Variants in SIPA1L2 observed in about 807,000 individuals in gnomAD.
The protein encoded by SIPA1L2 is signal-induced proliferation-associated 1-like protein 2.
A neutral mutation model predicts 163.9 loss-of-function variants in SIPA1L2; 56 were observed. The ratio of observed to expected loss-of-function variants is 0.34; its 90% CI spans 0.28 to 0.43. The LOEUF is 0.43. SIPA1L2 is among the 20% of genes least tolerant of loss of function. The pLI is 1.00. For missense variants in SIPA1L2, 1,974 were observed against 2,193.5 expected (o/e 0.90, Z 2.00); for synonymous variants, 877 against 865.7 (o/e 1.01, Z -0.23).
Position 232,465,124 on chromosome 1 carries a change from C to T in SIPA1L2, c.2536G>A (p.Asp846Asn), listed in dbSNP as rs1350561434. 1 of 1,614,172 alleles carries T rather than the reference C, an allele frequency of 6.2e-7. No homozygotes were observed. Among genetic ancestry groups the T allele is most frequent in the Non-Finnish European group, 8.5e-7 (1 of 1,180,030 alleles). The change falls in exon 9 of 23, where the codon GAT (aspartate) becomes AAT (asparagine). Residue 846 changes from aspartate to asparagine, a missense_variant. Asp to Asn is a conservative substitution (Grantham distance 23). Transcript: ENST00000674635. This position sits in a 1 kb window ranked among gnomAD's most constrained non-coding sequence, Gnocchi z 4.1. ...KKKEKVKPRK[D>N]AHLFSIGAIM... ...GCCCCAATGCTAAACAAGTGGGCAT[C>T]CTTCCTTGGCTTTACCTTCTCCTTT... is the stretch of plus-strand genomic sequence containing the variant.
chr1:232,526,882 C>T lies in SIPA1L2; in HGVS notation c.-269-11274G>A, dbSNP rs564519912. ...AGACTGTGCCCAAGGACTCTTCCCTCCCAGACTGAAGTGTCCTGCTAAGGG... is the reference window on the plus strand; with the variant it reads ...AGACTGTGCCCAAGGACTCTTCCCTTCCAGACTGAAGTGTCCTGCTAAGGG... On this transcript the variant is annotated intron_variant, in intron 2 of 22. Coordinates refer to ENST00000674635, the MANE Select transcript of SIPA1L2 (RefSeq NM_020808.5). Among the ~76,000 whole-genome samples, 397 of 152,292 alleles carry T rather than the reference C, an allele frequency of 2.6e-3. 4 individuals carry two copies. Among genetic ancestry groups the T allele is most frequent in the African/African-American group, 9.2e-3 (382 of 41,562 alleles).
chr1:232,594,809 T>A (rs915433080), intron 1 of SIPA1L2, among the ~76,000 whole-genome samples: 1 of 152,208 alleles, frequency 6.6e-6, no homozygotes, highest in Admixed American at 6.5e-5. Context: ...AACTTTTTTA[T>A]AAAGCCTGCA....
At chr1:232,478,474 T>C (rs953726839) in intron 7 of SIPA1L2, among the ~76,000 whole-genome samples, 1 of 152,246 alleles carries the variant, frequency 6.6e-6, no homozygotes, top group East Asian at 1.9e-4. Context: ...GTTTCCTCTT[T>C]GGGAAAAAAT....
Position 232,406,205 on chromosome 1 carries a change from A to C in SIPA1L2, c.4763-2027T>G, listed in dbSNP as rs1412593088. On this transcript the variant is annotated intron_variant, in intron 19 of 22. Transcript: ENST00000674635. ...ATATTCAATAATCAAGCAATTACTG[A>C]GATAGAATCAAATGGCACCAACAAA... 3.9e-5 allele frequency among the ~76,000 whole-genome samples: 6 copies of C among 152,204 alleles called. No individual in the cohort carries two copies. In the East Asian group the frequency reaches 1.2e-3, roughly 29 times the overall value.
chr1:232,531,473 T>C (rs1170221864), intron 2 of SIPA1L2, among the ~76,000 whole-genome samples: 1 of 152,232 alleles, frequency 6.6e-6, no homozygotes, highest in African/African-American at 2.4e-5. Flanking sequence ...AGAATCTGTT[T>C]CATCATATGT....
chr1:232,432,440 G>A lies in SIPA1L2; in HGVS notation c.4063C>T (p.His1355Tyr), dbSNP rs1558172060. The A allele has an allele frequency of 1.9e-6, 3 of 1,614,250 alleles. No individual in the cohort carries two copies. Among genetic ancestry groups the A allele is most frequent in the Non-Finnish European group, 2.5e-6 (3 of 1,180,046 alleles). Residue 1355 changes from histidine to tyrosine, a missense_variant, in exon 16 of 23, where the codon CAC becomes TAC. Coordinates refer to ENST00000674635, the MANE Select transcript of SIPA1L2 (RefSeq NM_020808.5). ...GSHHSGSPSA[H>Y]CSKSSGSLDS... Reference sequence around the variant, plus strand: ...AGAGACCCACTACTTTTTGAACAGTGAGCTGAAGGGCTTCCTGAATGGTGA... The same window carrying A: ...AGAGACCCACTACTTTTTGAACAGTAAGCTGAAGGGCTTCCTGAATGGTGA...
chr1:232,431,106 C>T (rs1662210694), intron 16 of SIPA1L2, among the ~76,000 whole-genome samples: 1 of 152,126 alleles, frequency 6.6e-6, no homozygotes, highest in South Asian at 2.1e-4. Flanking sequence ...GAGTCCTTCG[C>T]CTAAACATAG....
At position 232,441,367 on chromosome 1, in the gene SIPA1L2, T is replaced by C. The variant is rs773753512; in HGVS notation, c.3566A>G (p.Lys1189Arg). 1.9e-6 allele frequency: 3 copies of C among 1,598,396 alleles called. No homozygotes were observed. Among genetic ancestry groups the C allele is most frequent in the East Asian group, 2.2e-5 (1 of 44,840 alleles). The change falls in exon 14 of 23, where the codon AAA (lysine) becomes AGA (arginine). Residue 1189 changes from lysine to arginine, a missense_variant. Physicochemically the swap from Lys to Arg is conservative, Grantham distance 26 (BLOSUM62 2). Coordinates refer to ENST00000674635, the MANE Select transcript of SIPA1L2 (RefSeq NM_020808.5). ...TCTTTCTTTATAGGAACCCAGGACT[T>C]TGGAAGGTGGGCCATGCCATTTGGT... Reference protein sequence around the residue: ...PETKWHGPPSKVLGSYKERAL... With the variant: ...PETKWHGPPSRVLGSYKERAL...
chr1:232,409,376 G>A (rs1281010810), intron 19 of SIPA1L2, among the ~76,000 whole-genome samples: 3 of 152,094 alleles, frequency 2.0e-5, no homozygotes, highest in Admixed American at 6.5e-5. Context: ...CAATCTTACT[G>A]ATATATCTAA....
At chr1:232,429,601 G>A (rs1284545181) in intron 16 of SIPA1L2, among the ~76,000 whole-genome samples, 3 of 147,882 alleles carry the variant, frequency 2.0e-5, no homozygotes, top group African/African-American at 7.5e-5. Context: ...TGAACAAATA[G>A]TGGCTGTAAA....
At chr1:232,449,517 CAA>C (rs33934850) in intron 10 of SIPA1L2, among the ~76,000 whole-genome samples, 17,319 of 79,484 alleles carry the variant, frequency 0.22, 809 homozygotes, top group Non-Finnish European at 0.3. Context: ...GACTCCGTCT[CAA>C]AAAAAAAAAA....
intron 1 of SIPA1L2, among the ~76,000 whole-genome samples, chr1:232,575,647 T>C (rs1660040175): frequency 6.6e-6 from 1 of 152,068 alleles, no homozygotes; most frequent in African/African-American, 2.4e-5. Context: ...AGCATTACCA[T>C]ATAACCCAGC....
chr1:232,588,812 C>T (rs530538794), intron 1 of SIPA1L2, among the ~76,000 whole-genome samples: 10 of 152,244 alleles, frequency 6.6e-5, no homozygotes, highest in African/African-American at 2.2e-4. Flanking sequence ...CAAAAAATAA[C>T]GAAGCATACT....
chr1:232,521,284 G>A (rs569854552), intron 2 of SIPA1L2, among the ~76,000 whole-genome samples: 2 of 152,254 alleles, frequency 1.3e-5, no homozygotes, highest in South Asian at 2.1e-4. Context: ...AGTACTCCAC[G>A]TGCTATTTGG....
rs73095162 is a variant in SIPA1L2, at chr1:232,496,364, A to T, written c.1484-2704T>A. 9.1e-3 allele frequency among the ~76,000 whole-genome samples: 1,390 copies of T among 152,216 alleles called. 27 individuals are homozygous for T. Among genetic ancestry groups the T allele is most frequent in the African/African-American group, 0.032 (1,318 of 41,518 alleles). The stretch of plus-strand genomic sequence containing the variant: ...ATCCCATCTAGGTTTCTGTAAGCAC[A>T]CTCTACAGCATTTGCACAATGATGA... On this transcript the variant is annotated intron_variant, in intron 3 of 22. Transcript: ENST00000674635.
At chr1:232,549,379 C>T (rs1004804190) in intron 2 of SIPA1L2, among the ~76,000 whole-genome samples, 1 of 152,188 alleles carries the variant, frequency 6.6e-6, no homozygotes, top group Non-Finnish European at 1.5e-5. Context: ...GTGGTTTTCT[C>T]TAATTAATCC....
chr1:232,588,982 C>T (rs1419485562), intron 1 of SIPA1L2, among the ~76,000 whole-genome samples: 1 of 151,900 alleles, frequency 6.6e-6, no homozygotes, highest in Non-Finnish European at 1.5e-5. Context: ...ATAGAACTCA[C>T]ATAAACAAAA....
intron 2 of SIPA1L2, among the ~76,000 whole-genome samples, chr1:232,552,847 C>T (rs1658475794): frequency 6.6e-6 from 1 of 152,164 alleles, no homozygotes; most frequent in Non-Finnish European, 1.5e-5. Flanking sequence ...ACTGAATGTA[C>T]AACGGGGGGT....
intron 5 of SIPA1L2, among the ~76,000 whole-genome samples, chr1:232,490,320 C>G (rs892284171): frequency 4.6e-5 from 7 of 152,172 alleles, no homozygotes; most frequent in African/African-American, 1.7e-4. Context: ...GTTGCCCAGC[C>G]AGATGTTATT....
Sources: allele counts gnomAD v4.1 joint callset (sites outside exome capture counted in the v4.1 genomes callset), GRCh38; gene constraint gnomAD v4.1.1; non-coding constraint Gnocchi (gnomAD v3.1); transcripts MANE v1.5; gene names NCBI Gene and HGNC (gene_info 2026-07-23, HGNC 2026-07-21).